PCDH15: variants seen among roughly 807,000 people sequenced by gnomAD.
The protein encoded by PCDH15 is protocadherin-15.
Under a neutral mutation model 178.5 loss-of-function variants are expected in PCDH15, and 129 were observed. That is an observed-to-expected ratio of 0.72 (90% CI 0.63 to 0.84). The LOEUF (loss-of-function observed/expected upper bound fraction) is 0.84, where lower values mean the gene tolerates loss of function less well. Ranked by LOEUF, PCDH15 falls within the 40% of genes least tolerant of loss-of-function variation. The probability of loss-of-function intolerance (pLI) is 0.00; values close to 1 mark genes in which losing one functional copy is unlikely to be tolerated. For synonymous variants in PCDH15, 800 were observed against 732.0 expected, an observed-to-expected ratio of 1.09 and a Z score of -1.50; for missense variants, 2,230 against 2,099.9, an observed-to-expected ratio of 1.06 and a Z score of -1.21.
At chr10:53,924,865 A>G (rs969072838) in intron 25 of PCDH15, among the ~76,000 whole-genome samples, 1 of 152,318 alleles carries the variant, frequency 6.6e-6, no homozygotes, top group East Asian at 1.9e-4. Context: ...CACATCAATC[A>G]GTACCCTGTG....
chr10:54,969,967 A>G (rs909600645), intron 2 of PCDH15, among the ~76,000 whole-genome samples: 12 of 152,254 alleles, frequency 7.9e-5, no homozygotes, highest in African/African-American at 2.9e-4. Flanking sequence ...AAGCCTTCCT[A>G]TGGTTTGAAT....
chr10:55,386,460 T>C (rs1307547415), intron 2 of PCDH15, among the ~76,000 whole-genome samples: 1 of 152,072 alleles, frequency 6.6e-6, no homozygotes, highest in Non-Finnish European at 1.5e-5. Context: ...TATGAAAATA[T>C]GCTCATCTCA....
intron 13 of PCDH15, among the ~76,000 whole-genome samples, chr10:54,177,549 A>G (rs2047553519): frequency 6.6e-6 from 1 of 151,824 alleles, no homozygotes. Flanking sequence ...AAATCACTGT[A>G]TCTTCCTCTC....
At position 54,725,306 on chromosome 10, in the gene PCDH15, GTAAA is replaced by G. The variant is rs199646607; in HGVS notation, c.-28-61020_-28-61017del. Among the ~76,000 whole-genome samples the G allele has an allele frequency of 9.0e-4, 135 of 150,576 alleles. 2 individuals are homozygous for G. In the East Asian group the frequency reaches 0.023, roughly 26 times the overall value. On this transcript the variant is annotated intron_variant, in intron 1 of 37. Transcript: ENST00000644397. ...ATTGAAGAAAATGTCCATTTTCTTA[GTAAA>G]TGAATGAATATTTAAATTATACAGT... is the stretch of plus-strand genomic sequence containing the variant.
intron 2 of PCDH15, among the ~76,000 whole-genome samples, chr10:54,596,987 C>T (rs932083056): frequency 6.6e-6 from 1 of 152,052 alleles, no homozygotes; most frequent in African/African-American, 2.4e-5. Context: ...GGCTACTACA[C>T]AATAATACGG....
At chr10:54,457,309 T>G (rs1014812367) in intron 3 of PCDH15, among the ~76,000 whole-genome samples, 2 of 152,146 alleles carry the variant, frequency 1.3e-5, no homozygotes, top group Non-Finnish European at 2.9e-5. Context: ...TAGTAACAAC[T>G]AAACAATGAG....
intron 8 of PCDH15, among the ~76,000 whole-genome samples, chr10:54,281,777 G>A (rs1215393559): frequency 6.6e-6 from 1 of 151,910 alleles, no homozygotes; most frequent in Admixed American, 6.6e-5. Flanking sequence ...AATATGAAAT[G>A]AAGATGCTAT....
At chr10:55,485,989 A>C (rs182024193) in intron 2 of PCDH15, among the ~76,000 whole-genome samples, 1 of 151,808 alleles carries the variant, frequency 6.6e-6, no homozygotes, top group East Asian at 1.9e-4. Context: ...GTCAAAAAAC[A>C]CTTTGCACAT....
chr10:54,138,376 A>C (rs2043079890), intron 14 of PCDH15, among the ~76,000 whole-genome samples: 1 of 152,044 alleles, frequency 6.6e-6, no homozygotes, highest in African/African-American at 2.4e-5. Context: ...TAGAAAGAAG[A>C]AGCACCCCGA....
intron 1 of PCDH15, among the ~76,000 whole-genome samples, chr10:54,754,973 C>CAG (rs35479992): frequency 0.53 from 61,456 of 115,232 alleles, 15,865 homozygotes; most frequent in Middle Eastern, 0.74. Flanking sequence ...TTTTGGGAGA[C>CAG]AGACTCACTC....
intron 1 of PCDH15, among the ~76,000 whole-genome samples, chr10:55,283,188 G>A (rs1222774821): frequency 1.3e-5 from 2 of 152,028 alleles, no homozygotes; most frequent in Admixed American, 1.3e-4. Context: ...CGCAGACCCT[G>A]CACTGGATGA....
At chr10:54,028,870 A>G (rs1314634744) in intron 18 of PCDH15, among the ~76,000 whole-genome samples, 2 of 150,760 alleles carry the variant, frequency 1.3e-5, no homozygotes, top group African/African-American at 4.9e-5. Flanking sequence ...GCGCACCAGC[A>G]TGGCACATGT....
chr10:54,519,462 A>G (rs2082606137), intron 3 of PCDH15, among the ~76,000 whole-genome samples: 1 of 152,180 alleles, frequency 6.6e-6, no homozygotes, highest in African/African-American at 2.4e-5. Context: ...CCCATTCACA[A>G]TTGCTTCAAA....
chr10:54,456,284 G>C (rs1259820432), intron 3 of PCDH15, among the ~76,000 whole-genome samples: 1 of 152,154 alleles, frequency 6.6e-6, no homozygotes, highest in African/African-American at 2.4e-5. Flanking sequence ...CACAGGAGCA[G>C]AGCTGCCCAA....
At chr10:55,265,563 C>A (rs1229763053) in intron 1 of PCDH15, among the ~76,000 whole-genome samples, 3 of 151,980 alleles carry the variant, frequency 2.0e-5, no homozygotes, top group East Asian at 1.9e-4. Context: ...GGAAGATAAG[C>A]AGAACCAGTG....
chr10:54,498,577 G>C (rs2080347631), intron 3 of PCDH15, among the ~76,000 whole-genome samples: 1 of 152,018 alleles, frequency 6.6e-6, no homozygotes. Context: ...TAGGCTCTAA[G>C]TAAAGGAATG....
At chr10:54,005,870 A>G (rs1371336822) in intron 20 of PCDH15, among the ~76,000 whole-genome samples, 1 of 152,168 alleles carries the variant, frequency 6.6e-6, no homozygotes, top group Non-Finnish European at 1.5e-5. Flanking sequence ...TGTTTATTGC[A>G]GCACTATTTA....
intron 2 of PCDH15, among the ~76,000 whole-genome samples, chr10:55,448,305 T>G (rs1839361259): frequency 6.6e-6 from 1 of 151,936 alleles, no homozygotes; most frequent in African/African-American, 2.4e-5. Flanking sequence ...GGTTAGATTT[T>G]TTTTACACTA....
chr10:53,973,196 T>A (rs1719310779), intron 21 of PCDH15, among the ~76,000 whole-genome samples: 1 of 147,840 alleles, frequency 6.8e-6, no homozygotes, highest in East Asian at 2.1e-4. Context: ...CAAGGACAGA[T>A]AACCAAACAC....
Sources: allele counts gnomAD v4.1 joint callset (sites outside exome capture counted in the v4.1 genomes callset), GRCh38; gene constraint gnomAD v4.1.1; transcripts MANE v1.5; gene names NCBI Gene and HGNC (gene_info 2026-07-23, HGNC 2026-07-21).